The following SOCS5 variants were observed in gnomAD, a reference collection of about 807,000 sequenced individuals.
SOCS5 encodes the protein CIS-6.
SOCS5 carries 32 observed loss-of-function variants against 42.8 expected under a neutral mutation model. That is an observed-to-expected ratio of 0.75 (90% confidence interval 0.56 to 1.01). The LOEUF (loss-of-function observed/expected upper bound fraction) is 1.01. Among genes scored for constraint, SOCS5 ranks in the 50% least tolerant of loss-of-function variants. SOCS5 has a pLI of 0.00. For missense variants in SOCS5, 627 were observed against 653.0 expected, an observed-to-expected ratio of 0.96 and a Z score of 0.43; for synonymous variants, 283 against 229.6, an observed-to-expected ratio of 1.23 and a Z score of -2.10.
intron 1 of SOCS5, among the ~76,000 whole-genome samples, chr2:46,702,736 T>A (rs1213932834): frequency 6.6e-6 from 1 of 152,248 alleles, no homozygotes; most frequent in Non-Finnish European, 1.5e-5. Context: ...TGGTTCTTTT[T>A]AATTTGCTGT....
At chr2:46,702,193 G>T (rs1203291934) in intron 1 of SOCS5, among the ~76,000 whole-genome samples, 1 of 152,146 alleles carries the variant, frequency 6.6e-6, no homozygotes, top group Non-Finnish European at 1.5e-5. Context: ...ATTATTCTCT[G>T]TGGTTCGTTA....
At chr2:46,749,951 A>G (rs1019360545) in intron 1 of SOCS5, among the ~76,000 whole-genome samples, 2 of 152,212 alleles carry the variant, frequency 1.3e-5, no homozygotes, top group Admixed American at 1.3e-4. Context: ...TAATACTGGT[A>G]ACATTTTTAA....
intron 1 of SOCS5, among the ~76,000 whole-genome samples, chr2:46,751,844 G>T (rs1334001524): frequency 1.3e-5 from 2 of 152,130 alleles, no homozygotes; most frequent in Non-Finnish European, 2.9e-5. Flanking sequence ...ACTGGTTGTT[G>T]TATAGCCCAC....
chr2:46,756,882 CAT>C (rs1319692070), intron 1 of SOCS5, among the ~76,000 whole-genome samples: 1 of 152,072 alleles, frequency 6.6e-6, no homozygotes, highest in African/African-American at 2.4e-5. Context: ...GCGTAAACCT[CAT>C]AAAAAATGCT....
At chr2:46,752,547 G>T (rs78006620) in intron 1 of SOCS5, among the ~76,000 whole-genome samples, 2,523 of 152,150 alleles carry the variant, frequency 0.017, 86 homozygotes, top group African/African-American at 0.057. Flanking sequence ...GGGTTTGCTT[G>T]TTTAAAAGGT....
chr2:46,735,732 C>G (rs1017098727), intron 1 of SOCS5, among the ~76,000 whole-genome samples: 1 of 151,928 alleles, frequency 6.6e-6, no homozygotes, highest in Non-Finnish European at 1.5e-5. Flanking sequence ...CAGACATAAG[C>G]AGATGGCAGT....
At chr2:46,735,154 T>C (rs1673215121) in intron 1 of SOCS5, among the ~76,000 whole-genome samples, 1 of 152,178 alleles carries the variant, frequency 6.6e-6, no homozygotes, top group South Asian at 2.1e-4. Context: ...AAAATGAGAA[T>C]TTATTTCCTA....
Position 46,759,674 on chromosome 2 carries a change from T to C in SOCS5, c.1144T>C (p.Tyr382His). 1 of 1,614,064 alleles carries C rather than the reference T, an allele frequency of 6.2e-7. No homozygotes were observed. Among genetic ancestry groups the C allele is most frequent in the Non-Finnish European group, 8.5e-7 (1 of 1,179,948 alleles). The change falls in exon 2 of 2, where the codon TAC (tyrosine) becomes CAC (histidine). Residue 382 changes from tyrosine to histidine, a missense_variant. By Grantham distance (83) the Tyr-to-His change is moderately conservative. Coordinates refer to ENST00000394861, the MANE Select transcript of SOCS5 (RefSeq NM_144949.3). ...GCTTCAAATTACAGGGAATCCCTGT[T>C]ACTGGGGAGTGATGGACCGTTATGA... ...DLLQITGNPC[Y>H]WGVMDRYEAE...
At chr2:46,752,335 G>A (rs915474143) in intron 1 of SOCS5, among the ~76,000 whole-genome samples, 2 of 151,996 alleles carry the variant, frequency 1.3e-5, no homozygotes, top group African/African-American at 2.4e-5. Context: ...ATATAAGGTG[G>A]AACAGTTTCA....
rs1443184750 is a variant in SOCS5 at position 46,758,872 on chromosome 2, C to G, written c.342C>G (p.Tyr114Ter). 1 of 1,613,830 alleles carries G rather than the reference C, an allele frequency of 6.2e-7. No homozygotes were observed. The highest frequency in any genetic ancestry group is 8.5e-7 in the Non-Finnish European group (1 of 1,179,816). ...CAAGACTTGCACGAAGAGATTCCTA[C>G]TCTCGACATGCTCCATGGGGTGGGA... The part of the protein sequence containing the change: ...PGTRLARRDS[Y>*]SRHAPWGGKK... Residue 114 changes from tyrosine to a stop codon, truncating the protein, a stop_gained, in exon 2 of 2, where the codon TAC becomes TAG. Transcript: ENST00000394861. LOFTEE classifies it high-confidence loss of function.
At position 46,761,660 on chromosome 2, in the gene SOCS5, A is replaced by G. The variant is rs374087214; in HGVS notation, c.*1519A>G. The G allele has an allele frequency of 7.4e-4, 123 of 167,040 alleles. No individual in the cohort carries two copies. The highest frequency in any genetic ancestry group is 2.7e-3 in the African/African-American group (114 of 41,562). The allele number at this position is 167,040 out of a possible 1,614,324, so 10.3% of individuals were successfully genotyped here. A position where few individuals can be genotyped will look rare whatever the true frequency, so the allele number is the denominator to read the frequency against. On this transcript the variant is annotated 3_prime_UTR_variant, in exon 2 of 2. Transcript: ENST00000394861. ...TGCAACAATTTCTCTTGTAAATGGA[A>G]TGGTTTGGGGTTTTTAAATAAGCAT...
intron 1 of SOCS5, among the ~76,000 whole-genome samples, chr2:46,712,094 C>G (rs1320403900): frequency 6.6e-6 from 1 of 152,092 alleles, no homozygotes; most frequent in East Asian, 1.9e-4. Context: ...ATCAGCTTAT[C>G]AATATCTACA....
At chr2:46,743,593 G>A (rs1673426698) in intron 1 of SOCS5, among the ~76,000 whole-genome samples, 2 of 152,064 alleles carry the variant, frequency 1.3e-5, no homozygotes, top group Non-Finnish European at 2.9e-5. Flanking sequence ...ATTTTGTGCT[G>A]ACCTCCTATC....
chr2:46,727,193 G>C (rs1673017599), intron 1 of SOCS5, among the ~76,000 whole-genome samples: 1 of 141,364 alleles, frequency 7.1e-6, no homozygotes, highest in East Asian at 2.1e-4. Flanking sequence ...CTGTAGCCCA[G>C]GCTGGAGTGC....
At chr2:46,717,069 C>T (rs1364289738) in intron 1 of SOCS5, among the ~76,000 whole-genome samples, 4 of 152,164 alleles carry the variant, frequency 2.6e-5, no homozygotes, top group Non-Finnish European at 5.9e-5. Flanking sequence ...CATGGAGTTA[C>T]ACACCACATG....
chr2:46,741,353 C>T (rs1273428480), intron 1 of SOCS5, among the ~76,000 whole-genome samples: 1 of 152,136 alleles, frequency 6.6e-6, no homozygotes, highest in African/African-American at 2.4e-5. Flanking sequence ...GATTCTTTTA[C>T]CTCAATGTCC....
chr2:46,730,108 G>A (rs181794191), intron 1 of SOCS5, among the ~76,000 whole-genome samples: 14 of 152,120 alleles, frequency 9.2e-5, no homozygotes, highest in South Asian at 2.1e-4. Flanking sequence ...CATATATGCC[G>A]TCTCTCATTG....
At chr2:46,701,362 A>T (rs1247210718) in intron 1 of SOCS5, among the ~76,000 whole-genome samples, 2 of 152,194 alleles carry the variant, frequency 1.3e-5, no homozygotes, top group East Asian at 3.9e-4. Context: ...AAAAAGATGT[A>T]TGTGTATGAG....
chr2:46,714,950 A>C (rs932393506), intron 1 of SOCS5, among the ~76,000 whole-genome samples: 4 of 152,228 alleles, frequency 2.6e-5, no homozygotes, highest in African/African-American at 9.6e-5. Context: ...CCTTCAACTA[A>C]TATTTTACCA....
Sources: allele counts gnomAD v4.1 joint callset (sites outside exome capture counted in the v4.1 genomes callset), GRCh38; gene constraint gnomAD v4.1.1; transcripts MANE v1.5; gene names NCBI Gene and HGNC (gene_info 2026-07-23, HGNC 2026-07-21).